GNG2: variants seen among roughly 807,000 people sequenced by gnomAD.
GNG2 encodes guanine nucleotide-binding protein G(I)/G(S)/G(O) subunit gamma-2.
Under a neutral mutation model 5.5 loss-of-function variants are expected in GNG2, and 5 were observed. That is an observed-to-expected ratio of 0.91 (90% CI 0.48 to 1.92). The LOEUF (loss-of-function observed/expected upper bound fraction) is 1.92, where lower values mean the gene tolerates loss of function less well. Ranked by LOEUF, GNG2 falls within the 30% of genes most tolerant of loss-of-function variation. GNG2 has a pLI of 0.01. For missense variants in GNG2, 55 were observed against 88.4 expected (o/e 0.62, Z 1.52); for synonymous variants, 28 against 32.0 (o/e 0.88, Z 0.42).
At chr14:51,911,405 T>G (rs564082744) in intron 2 of GNG2, among the ~76,000 whole-genome samples, 2 of 152,322 alleles carry the variant, frequency 1.3e-5, no homozygotes, top group East Asian at 3.9e-4. Context: ...CAGAGCTGAA[T>G]GGCCAAAGAT....
At chr14:51,948,406 T>C (rs1245211542) in intron 2 of GNG2, among the ~76,000 whole-genome samples, 2 of 152,232 alleles carry the variant, frequency 1.3e-5, no homozygotes, top group Admixed American at 6.5e-5. Flanking sequence ...TTGGTAATTC[T>C]GTGATAGTCT....
At position 51,940,025 on chromosome 14, in the gene GNG2, TA is replaced by T. The variant is rs1888224061; in HGVS notation, c.-29-10622del. ...GTGAGAATGAAACAAGATAATGCGT[TA>T]AAGCCCTTGGCCCAGTTCCTGGCAT... On this transcript the variant is annotated intron_variant, in intron 2 of 3. Transcript: ENST00000556766. 4.6e-5 allele frequency: 7 copies of T among 152,398 alleles called. 1 individual carries two copies. The South Asian group carries it at 1.4e-3, about 32-fold the overall frequency. 9.4% of individuals were successfully genotyped at this position (152,398 alleles called of 1,614,324 possible). A position where few individuals can be genotyped will look rare whatever the true frequency, so the allele number is the denominator to read the frequency against.
chr14:51,884,908 T>C (rs1211781115), intron 2 of GNG2, among the ~76,000 whole-genome samples: 1 of 152,180 alleles, frequency 6.6e-6, no homozygotes, highest in African/African-American at 2.4e-5. Flanking sequence ...GTTCTTCCTC[T>C]GGAATTTTCC....
intron 2 of GNG2, among the ~76,000 whole-genome samples, chr14:51,837,173 C>T (rs1215901053): frequency 6.6e-6 from 1 of 151,618 alleles, no homozygotes; most frequent in Non-Finnish European, 1.5e-5. Context: ...CTCAACTTAA[C>T]GTTGATGAAA....
intron 2 of GNG2, chr14:51,940,046 T>G (rs1371884955): frequency 1.3e-5 from 2 of 152,274 alleles, no homozygotes; most frequent in Non-Finnish European, 2.9e-5. Flanking sequence ...GCCCAGTTCC[T>G]GGCATGTGGC....
chr14:51,941,494 A>G (rs1446467530), intron 2 of GNG2, among the ~76,000 whole-genome samples: 2 of 152,224 alleles, frequency 1.3e-5, no homozygotes, highest in African/African-American at 4.8e-5. Context: ...AAATACCAAA[A>G]CACAGTCCTG....
At chr14:51,966,415 A>G in intron 3 of GNG2, 144 bp from the exon 4 acceptor site, 1 of 702,836 alleles carries the variant, frequency 1.4e-6, no homozygotes, top group Non-Finnish European at 2.5e-6. Flanking sequence ...TCTTCTTTGC[A>G]GATGAGGAAG....
intron 3 of GNG2, among the ~76,000 whole-genome samples, chr14:51,965,551 A>C (rs1889845124): frequency 1.3e-5 from 2 of 152,230 alleles, no homozygotes; most frequent in African/African-American, 4.8e-5. Context: ...GTTGTAAGAA[A>C]TGACAGCATC....
In GNG2 at chr14:51,941,178, C is replaced by A. The variant is rs1395011056; in HGVS notation, c.-29-9472C>A. Reference sequence around the variant, plus strand: ...AGTAAGGATCAAAAAAAGTGAGTGGCAAAAATGACCAAACTAAACATGGGT... The same window carrying A: ...AGTAAGGATCAAAAAAAGTGAGTGGAAAAAATGACCAAACTAAACATGGGT... On this transcript the variant is annotated intron_variant, in intron 2 of 3. Coordinates refer to ENST00000556766, the MANE Select transcript of GNG2 (RefSeq NM_053064.5). 2.0e-5 allele frequency among the ~76,000 whole-genome samples: 3 copies of A among 152,060 alleles called. No individual in the cohort carries two copies. The East Asian group carries it at 5.8e-4, about 29-fold the overall frequency.
At chr14:51,927,766 G>T (rs191906413) in intron 2 of GNG2, among the ~76,000 whole-genome samples, 2 of 152,308 alleles carry the variant, frequency 1.3e-5, no homozygotes, top group East Asian at 3.9e-4. Context: ...CAATTGCCCA[G>T]TTAGATTAAA....
In GNG2 at chr14:51,871,102, A is replaced by G. The variant is rs142049187; in HGVS notation, c.-70-6515A>G. 2.1e-3 allele frequency among the ~76,000 whole-genome samples: 325 copies of G among 152,022 alleles called. 1 individual carries two copies. The highest frequency in any genetic ancestry group is 7.6e-3 in the African/African-American group (315 of 41,444). On this transcript the variant is annotated intron_variant, in intron 1 of 3. Transcript: ENST00000556766. Reference sequence around the variant, plus strand: ...AAATTGTGAAAAAATTTAAACCGAAACCCTCACTTTCATTTTAAAGGCTTT... The same window carrying G: ...AAATTGTGAAAAAATTTAAACCGAAGCCCTCACTTTCATTTTAAAGGCTTT...
chr14:51,827,788 T>C (rs1881067762), exon 2 of GNG2: 2 of 696,284 alleles, frequency 2.9e-6, no homozygotes, highest in Non-Finnish European at 5.2e-6. Flanking sequence ...AAGCAAGAGA[T>C]GGTGTACCTT....
intron 2 of GNG2, among the ~76,000 whole-genome samples, chr14:51,828,354 C>T (rs1881089651): frequency 1.3e-5 from 2 of 152,116 alleles, no homozygotes; most frequent in South Asian, 4.1e-4. Context: ...GCTGTGCCTG[C>T]CTGAAAATGG....
chr14:51,901,383 C>A (rs898332127), intron 2 of GNG2, among the ~76,000 whole-genome samples: 3 of 151,678 alleles, frequency 2.0e-5, no homozygotes, highest in Non-Finnish European at 4.4e-5. Flanking sequence ...TGTAGTGAAG[C>A]AGTCTCACTT....
upstream of GNG2, among the ~76,000 whole-genome samples, chr14:51,858,529 G>A (rs1265561779): frequency 9.2e-5 from 14 of 152,102 alleles, no homozygotes; most frequent in Admixed American, 9.2e-4. Context: ...ACCAACCATC[G>A]GAGGATGGTT....
At chr14:51,935,041 T>TG (rs1887901856) in intron 2 of GNG2, among the ~76,000 whole-genome samples, 1 of 145,688 alleles carries the variant, frequency 6.9e-6, no homozygotes, top group African/African-American at 2.6e-5. Context: ...TTTTTTTTTT[T>TG]GGAGACGGAG....
intron 2 of GNG2, among the ~76,000 whole-genome samples, chr14:51,905,670 C>T (rs1594897882): frequency 6.6e-6 from 1 of 152,162 alleles, no homozygotes; most frequent in African/African-American, 2.4e-5. Context: ...TATGGTTTGG[C>T]TGTGTCCCCA....
intron 2 of GNG2, among the ~76,000 whole-genome samples, chr14:51,911,521 T>C (rs1159132656): frequency 6.6e-6 from 1 of 151,830 alleles, no homozygotes; most frequent in East Asian, 1.9e-4. Flanking sequence ...ATTTTCCTCA[T>C]CTGTGGAATG....
At chr14:51,877,690 T>G (rs951682015) in intron 2 of GNG2, 33 bp downstream of exon 2, 1 of 451,966 alleles carries the variant, frequency 2.2e-6, no homozygotes, top group African/African-American at 2.0e-5. Context: ...TTCTAGAATC[T>G]TGAATTTAAC....
Sources: gnomAD v4.1 joint callset for allele counts (sites outside exome capture counted in the v4.1 genomes callset) on GRCh38, gnomAD v4.1.1 for gene constraint, MANE v1.5 for transcripts, NCBI Gene and HGNC (gene_info 2026-07-23, HGNC 2026-07-21) for gene names.